GLI2: variants seen among roughly 807,000 people sequenced by gnomAD.
The protein encoded by GLI2 is transcription activator GLI2.
Under a neutral mutation model 78.9 loss-of-function variants are expected in GLI2, and 22 were observed. The ratio of observed to expected loss-of-function variants is 0.28; its 90% CI spans 0.20 to 0.40. The LOEUF (loss-of-function observed/expected upper bound fraction) is 0.40, where lower values mean the gene tolerates loss of function less well. Among genes scored for constraint, GLI2 ranks in the 10% least tolerant of loss-of-function variants. The pLI is 1.00. For missense variants in GLI2, 2,097 were observed against 2,213.2 expected, an observed-to-expected ratio of 0.95 and a Z score of 1.05; for synonymous variants, 974 against 963.7, an observed-to-expected ratio of 1.01 and a Z score of -0.20.
chr2:120,759,813 C>T (rs1683161726), intron 1 of GLI2, among the ~76,000 whole-genome samples: 1 of 152,194 alleles, frequency 6.6e-6, no homozygotes, highest in African/African-American at 2.4e-5. Context: ...AGGTGACCGG[C>T]TTCCATCCTG....
intron 2 of GLI2, among the ~76,000 whole-genome samples, chr2:120,906,328 G>C (rs1678531405): frequency 6.6e-6 from 1 of 152,190 alleles, no homozygotes; most frequent in Non-Finnish European, 1.5e-5. Context: ...GAGCCCAGGG[G>C]TGCTGGGTGC....
chr2:120,773,651 C>T (rs976249203), intron 1 of GLI2, among the ~76,000 whole-genome samples: 1 of 152,146 alleles, frequency 6.6e-6, no homozygotes, highest in Non-Finnish European at 1.5e-5. Flanking sequence ...CTCAGGTAGC[C>T]CCCAGTTGGC....
chr2:120,753,864 C>G (rs558897512), intron 1 of GLI2, among the ~76,000 whole-genome samples: 28 of 147,386 alleles, frequency 1.9e-4, no homozygotes, highest in Non-Finnish European at 3.9e-4. Flanking sequence ...CGCGGTGAGC[C>G]GAGATCGCGC....
intron 1 of GLI2, among the ~76,000 whole-genome samples, chr2:120,790,905 GAGA>G (rs1684135566): frequency 6.6e-6 from 1 of 152,198 alleles, no homozygotes; most frequent in African/African-American, 2.4e-5. Context: ...TCTTTTCTTG[GAGA>G]AGAAGAAAAT....
intron 1 of GLI2, among the ~76,000 whole-genome samples, chr2:120,796,230 C>T (rs1021162075): frequency 6.6e-6 from 1 of 152,176 alleles, no homozygotes; most frequent in East Asian, 1.9e-4. Context: ...CTTTCCATCC[C>T]TCCTTATCTA....
At chr2:120,838,421 T>A (rs1686715222) in intron 2 of GLI2, among the ~76,000 whole-genome samples, 2 of 152,246 alleles carry the variant, frequency 1.3e-5, no homozygotes, top group South Asian at 4.1e-4. Context: ...AGACATTTTA[T>A]TTAATCTTGT....
intron 2 of GLI2, among the ~76,000 whole-genome samples, chr2:120,847,728 A>T (rs1687188356): frequency 8.1e-6 from 1 of 123,446 alleles, no homozygotes; most frequent in South Asian, 2.8e-4. Context: ...TGGTGTTCAG[A>T]TGTTCCTGCC....
chr2:120,862,291 A>G (rs1558840048), intron 2 of GLI2, among the ~76,000 whole-genome samples: 1 of 152,218 alleles, frequency 6.6e-6, no homozygotes, highest in Non-Finnish European at 1.5e-5. Context: ...GAATAAACAA[A>G]TGCCTACACA....
intron 3 of GLI2, among the ~76,000 whole-genome samples, chr2:120,933,089 C>G (rs1489702382): frequency 6.6e-6 from 1 of 152,044 alleles, no homozygotes; most frequent in Non-Finnish European, 1.5e-5. Flanking sequence ...CCACAGTGGC[C>G]CTGGGGAGAG....
chr2:120,987,958 C>T (rs968557951), intron 13 of GLI2, among the ~76,000 whole-genome samples: 3 of 152,190 alleles, frequency 2.0e-5, no homozygotes, highest in Non-Finnish European at 4.4e-5. Flanking sequence ...TCACTGGGCA[C>T]GGTGGCCCAC....
rs1435815897 is a variant in GLI2 at position 120,988,902 on chromosome 2, C to T, written c.2937C>T (p.Gly979=). ...RFHSTHNVNP[G]PLPPCADRRG... is the part of the protein sequence containing the mutation. ...ACAGCACCCACAACGTGAACCCCGG[C>T]CCGCTGCCGCCCTGTGCCGACAGGC... Residue 979 remains glycine (G), a synonymous_variant, in exon 14 of 14, where the codon GGC becomes GGT. Coordinates refer to ENST00000361492, the MANE Select transcript of GLI2 (RefSeq NM_001374353.1). The T allele has an allele frequency of 1.3e-6, 2 of 1,509,040 alleles. No homozygotes were observed. Among genetic ancestry groups the T allele is most frequent in the Non-Finnish European group, 8.8e-7 (1 of 1,131,608 alleles). The allele number at this position is 1,509,040 out of a possible 1,614,324, so 93.5% of individuals were successfully genotyped here.
intron 1 of GLI2, among the ~76,000 whole-genome samples, chr2:120,754,501 A>G (rs944887332): frequency 1.3e-5 from 2 of 151,588 alleles, no homozygotes; most frequent in Admixed American, 6.6e-5. Flanking sequence ...TCCAGAGCTT[A>G]TAAAAGTGGA....
chr2:120,874,230 G>C (rs1240247529), intron 2 of GLI2, among the ~76,000 whole-genome samples: 1 of 152,172 alleles, frequency 6.6e-6, no homozygotes, highest in African/African-American at 2.4e-5. Flanking sequence ...TGTTTGCCTT[G>C]GCTTTGGTCT....
chr2:120,957,316 G>C (rs1377247887), intron 5 of GLI2, among the ~76,000 whole-genome samples: 2 of 152,218 alleles, frequency 1.3e-5, no homozygotes, highest in African/African-American at 4.8e-5. Context: ...ACACCTGTCA[G>C]CTCTGTAGGA....
At chr2:120,754,698 G>A (rs1234509142) in intron 1 of GLI2, among the ~76,000 whole-genome samples, 1 of 152,032 alleles carries the variant, frequency 6.6e-6, no homozygotes, top group Non-Finnish European at 1.5e-5. Flanking sequence ...TTCCAGTTTT[G>A]GGCTATTACA....
chr2:120,806,652 G>A (rs915777547), intron 2 of GLI2, among the ~76,000 whole-genome samples: 1 of 152,208 alleles, frequency 6.6e-6, no homozygotes, highest in Non-Finnish European at 1.5e-5. Flanking sequence ...GAAGGACAAG[G>A]CTCCTGTTGC....
chr2:120,901,398 C>T lies in GLI2; in HGVS notation c.149-25963C>T, dbSNP rs576906390. On this transcript the variant is annotated intron_variant, in intron 2 of 13. Coordinates refer to ENST00000361492, the MANE Select transcript of GLI2 (RefSeq NM_001374353.1). ...GGAGCTGGATTGCCTGGGGTGACAGCGTCCTTGGCATTGATTTATCCCATC... is the reference window on the plus strand; with the variant it reads ...GGAGCTGGATTGCCTGGGGTGACAGTGTCCTTGGCATTGATTTATCCCATC... Among the ~76,000 whole-genome samples the T allele has an allele frequency of 1.5e-3, 221 of 152,296 alleles. 1 individual carries two copies. The highest frequency in any genetic ancestry group is 5.0e-3 in the African/African-American group (206 of 41,562).
At chr2:120,984,422 G>A in intron 11 of GLI2, 49 bp from the exon 12 acceptor site, 1 of 1,601,472 alleles carries the variant, frequency 6.2e-7, no homozygotes, top group Non-Finnish European at 8.6e-7. Flanking sequence ...CCCCTTCAGA[G>A]TTGATCCTCG....
chr2:120,743,442 AAAAAAT>A (rs1226411800), intron 1 of GLI2, among the ~76,000 whole-genome samples: 6 of 152,048 alleles, frequency 3.9e-5, no homozygotes, highest in Non-Finnish European at 8.8e-5. Context: ...TGTCTCTACA[AAAAAAT>A]AAAAATAAAA....
Sources: gnomAD v4.1 joint callset for allele counts (sites outside exome capture counted in the v4.1 genomes callset) on GRCh38, gnomAD v4.1.1 for gene constraint, MANE v1.5 for transcripts, NCBI Gene and HGNC (gene_info 2026-07-23, HGNC 2026-07-21) for gene names.